MINDY2: variants seen among roughly 807,000 people sequenced by gnomAD.
The protein encoded by MINDY2 is ubiquitin carboxyl-terminal hydrolase MINDY-2.
Under a neutral mutation model 68.2 loss-of-function variants are expected in MINDY2, and 52 were observed. The observed-to-expected ratio is 0.76, with a 90% CI of 0.61 to 0.96. MINDY2 has a LOEUF of 0.96. MINDY2 is among the 40% of genes least tolerant of loss of function. MINDY2 has a pLI of 0.00. For missense variants in MINDY2, 881 were observed against 773.4 expected (o/e 1.14, Z -1.65); for synonymous variants, 372 against 303.0 (o/e 1.23, Z -2.36).
chr15:58,804,848 C>T (rs1902910855), intron 3 of MINDY2, among the ~76,000 whole-genome samples: 1 of 151,686 alleles, frequency 6.6e-6, no homozygotes, highest in Non-Finnish European at 1.5e-5. Flanking sequence ...CTGTTTGCAG[C>T]CAGTTACAGT....
At chr15:58,800,815 A>G (rs532204151) in intron 2 of MINDY2, among the ~76,000 whole-genome samples, 1 of 136,046 alleles carries the variant, frequency 7.4e-6, no homozygotes, top group African/African-American at 2.8e-5. Flanking sequence ...AGCCTGGGCA[A>G]CAGAGTAAGA....
chr15:58,783,055 G>A (rs1186266552), intron 1 of MINDY2, among the ~76,000 whole-genome samples: 1 of 151,440 alleles, frequency 6.6e-6, no homozygotes, highest in African/African-American at 2.4e-5. Context: ...GAGTAGCTGG[G>A]ATTACAGACA....
In MINDY2 at chr15:58,771,793, C is replaced by G. The variant is rs753675620; in HGVS notation, c.398C>G (p.Pro133Arg). 1.3e-5 allele frequency: 21 copies of G among 1,609,766 alleles called. No homozygotes were observed. The highest frequency in any genetic ancestry group is 1.7e-5 in the Non-Finnish European group (20 of 1,178,866). Residue 133 changes from proline (P) to arginine (R), a missense_variant, in exon 1 of 9, where the codon CCG becomes CGG. Coordinates refer to ENST00000559228, the MANE Select transcript of MINDY2 (RefSeq NM_001040450.3). Reference protein sequence around the residue: ...LGTAGDAGARPDLAGTCQAEL... With the variant: ...LGTAGDAGARRDLAGTCQAEL... ...ACCGCCGGAGACGCGGGAGCCCGCCCGGATCTCGCCGGCACCTGCCAAGCA... is the reference window on the plus strand; with the variant it reads ...ACCGCCGGAGACGCGGGAGCCCGCCGGGATCTCGCCGGCACCTGCCAAGCA...
At chr15:58,784,882 A>C (rs187556754) in intron 1 of MINDY2, among the ~76,000 whole-genome samples, 22 of 151,522 alleles carry the variant, frequency 1.5e-4, no homozygotes, top group African/African-American at 5.1e-4. Flanking sequence ...TGATCCTTTC[A>C]CTTCAGCCTC....
chr15:58,811,965 T>A (rs1173779910), intron 4 of MINDY2, among the ~76,000 whole-genome samples: 1 of 152,236 alleles, frequency 6.6e-6, no homozygotes, highest in Non-Finnish European at 1.5e-5. Context: ...AAAGTAAGAT[T>A]CAAATTTCAA....
rs182925950 is a variant in MINDY2 at position 58,784,528 on chromosome 15, T to A, written c.841-3378T>A. Among the ~76,000 whole-genome samples the A allele has an allele frequency of 4.6e-5, 7 of 152,248 alleles. No individual in the cohort carries two copies. In the East Asian group the frequency reaches 1.3e-3, roughly 29 times the overall value. Reference sequence around the variant, plus strand: ...TGCCTTCCAAGTGCCTTTGTATATGTTAAAGTACTTATTTATTTTATGTTG... The same window carrying A: ...TGCCTTCCAAGTGCCTTTGTATATGATAAAGTACTTATTTATTTTATGTTG... On this transcript the variant is annotated intron_variant, in intron 1 of 8. Coordinates refer to ENST00000559228, the MANE Select transcript of MINDY2 (RefSeq NM_001040450.3).
chr15:58,789,170 G>A (rs530603141), intron 2 of MINDY2, among the ~76,000 whole-genome samples: 1 of 151,932 alleles, frequency 6.6e-6, no homozygotes, highest in Admixed American at 6.6e-5. Flanking sequence ...ACTCCGTCTC[G>A]ACTAAAAAAT....
At chr15:58,823,664 AAAAAC>A (rs148639454) in intron 5 of MINDY2, among the ~76,000 whole-genome samples, 71,983 of 150,540 alleles carry the variant, frequency 0.48, 19,524 homozygotes, top group East Asian at 0.84. Context: ...AATCTGTCTC[AAAAAC>A]AAAACAAAAC....
intron 6 of MINDY2, 69 bp downstream of exon 6, chr15:58,831,985 G>A: frequency 7.3e-7 from 1 of 1,377,764 alleles, no homozygotes; most frequent in South Asian, 1.4e-5. Flanking sequence ...GTTGTCTTTT[G>A]ATCTGCTTAT....
At chr15:58,779,189 C>G (rs1900975397) in intron 1 of MINDY2, among the ~76,000 whole-genome samples, 1 of 152,158 alleles carries the variant, frequency 6.6e-6, no homozygotes, top group Middle Eastern at 3.4e-3. Context: ...GTCACCATGG[C>G]CAACCCTAAT....
In MINDY2 at chr15:58,771,319, AG is replaced by A; in HGVS notation, c.-76del. 1 of 1,535,054 alleles carries A rather than the reference AG, an allele frequency of 6.5e-7. No homozygotes were observed. The highest frequency in any genetic ancestry group is 1.2e-5 in the South Asian group (1 of 82,924). On this transcript the variant is annotated 5_prime_UTR_variant, in exon 1 of 9. Transcript: ENST00000559228. ...GCCAGGGCGCTGTTGCTGCCAATAC[AG>A]CTGTCATGGCGTCCAAGGCGCTGGC...
chr15:58,828,834 CAT>C (rs1304369132), intron 5 of MINDY2, among the ~76,000 whole-genome samples: 1 of 151,960 alleles, frequency 6.6e-6, no homozygotes, highest in Non-Finnish European at 1.5e-5. Context: ...GGATTACAGG[CAT>C]GAGCCACTGC....
intron 1 of MINDY2, among the ~76,000 whole-genome samples, chr15:58,777,171 C>G (rs17190720): frequency 0.021 from 3,144 of 152,234 alleles, 42 homozygotes; most frequent in Middle Eastern, 0.044. Context: ...TGGTCTTTCC[C>G]TAGTTCGCTT....
intron 7 of MINDY2, 33 bp from the exon 8 acceptor site, chr15:58,851,738 A>G: frequency 2.0e-6 from 3 of 1,476,634 alleles, no homozygotes; most frequent in Non-Finnish European, 2.7e-6. Context: ...GTAAAATCTC[A>G]TAGCTAATGA....
chr15:58,777,607 C>G (rs1481496143), intron 1 of MINDY2, among the ~76,000 whole-genome samples: 3 of 151,498 alleles, frequency 2.0e-5, no homozygotes, highest in Admixed American at 6.6e-5. Flanking sequence ...GACCCCATCT[C>G]TATAAAAGAA....
At chr15:58,828,734 T>C (rs1288276439) in intron 5 of MINDY2, among the ~76,000 whole-genome samples, 1 of 151,950 alleles carries the variant, frequency 6.6e-6, no homozygotes, top group African/African-American at 2.4e-5. Context: ...CTAATTTTTT[T>C]GTATTTTTAG....
In MINDY2 at chr15:58,800,325, T is replaced by C. The variant is rs74433086; in HGVS notation, c.899-1988T>C. ...TACCTGCAAACTGTATCATTCTTTGTCCCTAAATTAGCCTACATATCAGTG... is the reference window on the plus strand; with the variant it reads ...TACCTGCAAACTGTATCATTCTTTGCCCCTAAATTAGCCTACATATCAGTG... On this transcript the variant is annotated intron_variant, in intron 2 of 8. Transcript: ENST00000559228. 4.3e-4 allele frequency among the ~76,000 whole-genome samples: 66 copies of C among 152,326 alleles called. 2 individuals carry two copies. In the East Asian group the frequency reaches 0.013, roughly 29 times the overall value.
intron 6 of MINDY2, among the ~76,000 whole-genome samples, chr15:58,836,332 C>G (rs1222432685): frequency 2.6e-5 from 4 of 151,406 alleles, no homozygotes; most frequent in African/African-American, 9.7e-5. Context: ...ATAATCTAGT[C>G]CATATTCAAA....
At chr15:58,839,243 G>C (rs1267723756) in intron 6 of MINDY2, among the ~76,000 whole-genome samples, 1 of 152,060 alleles carries the variant, frequency 6.6e-6, no homozygotes, top group Non-Finnish European at 1.5e-5. Flanking sequence ...TAATGGTATT[G>C]TTTACATCTC....
Sources: gnomAD v4.1 joint callset for allele counts (sites outside exome capture counted in the v4.1 genomes callset) on GRCh38, gnomAD v4.1.1 for gene constraint, MANE v1.5 for transcripts, NCBI Gene and HGNC (gene_info 2026-07-23, HGNC 2026-07-21) for gene names.